MORC1: variants seen among roughly 807,000 people sequenced by gnomAD.
MORC1 encodes MORC family CW-type zinc finger 1.
In MORC1, 59 loss-of-function variants were observed where a neutral mutation model predicts 134.9. The observed-to-expected ratio is 0.44, with a 90% CI of 0.35 to 0.54. MORC1 has a LOEUF of 0.54. Ranked by LOEUF, MORC1 falls within the 20% of genes least tolerant of loss-of-function variation. MORC1 has a pLI of 0.00. For missense variants in MORC1, 947 were observed against 1,134.5 expected, an observed-to-expected ratio of 0.83 and a Z score of 2.37; for synonymous variants, 395 against 391.7, an observed-to-expected ratio of 1.01 and a Z score of -0.10.
At chr3:109,076,393 T>G (rs2107723255) in intron 8 of MORC1, among the ~76,000 whole-genome samples, 1 of 152,244 alleles carries the variant, frequency 6.6e-6, no homozygotes, top group Non-Finnish European at 1.5e-5. Flanking sequence ...TGTAAATTAG[T>G]TCAACCATTG....
At chr3:109,013,162 G>A (rs773429698) in intron 17 of MORC1, among the ~76,000 whole-genome samples, 6 of 151,734 alleles carry the variant, frequency 4.0e-5, no homozygotes, top group Non-Finnish European at 8.8e-5. Context: ...ATTCTTTAAC[G>A]TTTTTCTTGC....
intron 1 of MORC1, among the ~76,000 whole-genome samples, chr3:109,115,397 A>G (rs1951248367): frequency 6.6e-6 from 1 of 152,078 alleles, no homozygotes; most frequent in Non-Finnish European, 1.5e-5. Flanking sequence ...GGAGTTTCAA[A>G]CACAGAGGAT....
intron 17 of MORC1, among the ~76,000 whole-genome samples, chr3:109,020,713 C>T (rs1948937263): frequency 6.7e-6 from 1 of 149,570 alleles, no homozygotes; most frequent in Admixed American, 6.7e-5. Flanking sequence ...TGCAGTGAGC[C>T]GAGTTTGCGT....
chr3:109,002,221 G>C (rs886427921), intron 20 of MORC1, among the ~76,000 whole-genome samples: 18 of 152,248 alleles, frequency 1.2e-4, no homozygotes, highest in Middle Eastern at 3.4e-3. Context: ...CATAACTTCT[G>C]CCTATAGTAT....
At chr3:109,105,299 C>A (rs371301127) in intron 3 of MORC1, among the ~76,000 whole-genome samples, 2 of 152,066 alleles carry the variant, frequency 1.3e-5, no homozygotes, top group East Asian at 3.9e-4. Context: ...CCAAGGTGGG[C>A]GGATCACGAG....
Position 109,040,395 on chromosome 3 carries a change from A to AG in MORC1, c.1331-4928_1331-4927insC, listed in dbSNP as rs1417010352. 3.1e-3 allele frequency among the ~76,000 whole-genome samples: 161 copies of AG among 51,168 alleles called. 1 individual carries two copies. Among genetic ancestry groups the AG allele is most frequent in the Middle Eastern group, 0.02 (2 of 98 alleles). 33.6% of individuals were successfully genotyped at this position (51,168 alleles called of 152,430 possible). A position where few individuals can be genotyped will look rare whatever the true frequency, so the allele number is the denominator to read the frequency against. On this transcript the variant is annotated intron_variant, in intron 14 of 27. Coordinates refer to ENST00000232603, the MANE Select transcript of MORC1 (RefSeq NM_014429.4). ...GAAAGAAAGAAAGAAAGAAAGAAAG[A>AG]AAGAAAGAGAAGGAAGGAAGGAAGG... is the stretch of plus-strand genomic sequence containing the variant.
At chr3:109,099,501 C>T (rs1950887348) in intron 5 of MORC1, 35 bp from the exon 6 acceptor site, 1 of 1,487,000 alleles carries the variant, frequency 6.7e-7, no homozygotes, top group Admixed American at 1.9e-5. Context: ...TGTTTTACAC[C>T]TCAAATACTA....
At position 109,005,328 on chromosome 3, in the gene MORC1, A is replaced by G; in HGVS notation, c.1768-13T>C. 1 of 1,571,416 alleles carries G rather than the reference A, an allele frequency of 6.4e-7. No homozygotes were observed. On this transcript the variant is annotated splice_polypyrimidine_tract_variant and intron_variant, in intron 18 of 27. Coordinates refer to ENST00000232603, the MANE Select transcript of MORC1 (RefSeq NM_014429.4). ...TTTTGGTATTTTCCTTAAATAACAA[A>G]GAACATGTTTTTATTTTTTGGTAGA...
rs1428681058 is a variant in MORC1 at position 108,963,547 on chromosome 3, A to G, written c.2666T>C (p.Ile889Thr). The G allele has an allele frequency of 3.1e-6, 5 of 1,601,680 alleles. No individual in the cohort carries two copies. The highest frequency in any genetic ancestry group is 3.4e-6 in the Non-Finnish European group (4 of 1,173,558). The change falls in exon 27 of 28, where the codon ATC (isoleucine) becomes ACC (threonine). Residue 889 changes from isoleucine to threonine, a missense_variant. Around this residue, in one of 3 missense-constraint regions of MORC1, gnomAD observed 722 missense variants for 817.0 expected, o/e 0.88. Transcript: ENST00000232603. ...KKIKRKLQSIIYDSNTRGIHN... is the reference protein window; with the variant it reads ...KKIKRKLQSITYDSNTRGIHN... ...TATTCCTCTTGTATTTGAATCATAG[A>G]TAATGGACTGCAATTTCCTCTTTAT...
At chr3:109,028,070 G>T (rs1246321109) in intron 16 of MORC1, among the ~76,000 whole-genome samples, 181 bp from the exon 17 acceptor site, 2 of 152,086 alleles carry the variant, frequency 1.3e-5, no homozygotes, top group African/African-American at 2.4e-5. Context: ...TCTCCAATTT[G>T]CATGGAAAAC....
chr3:109,082,788 T>G (rs553359186), intron 8 of MORC1, among the ~76,000 whole-genome samples: 88 of 151,962 alleles, frequency 5.8e-4, no homozygotes, highest in Admixed American at 1.1e-3. Context: ...TACAGAAAAT[T>G]ACCTCGAAAG....
chr3:109,005,085 T>C lies in MORC1; in HGVS notation c.1998A>G (p.Leu666=). 1.2e-6 allele frequency: 2 copies of C among 1,610,550 alleles called. No individual in the cohort carries two copies. The highest frequency in any genetic ancestry group is 1.7e-6 in the Non-Finnish European group (2 of 1,178,690). The part of the protein sequence containing the change: ...IPVALPENVK[L]AERSQRSQIA... ...ATAATAATACCTGGGATCTCTCAGC[T>C]AGTTTGACATTTTCTGGCAGAGCTA... Residue 666 remains leucine, a synonymous_variant, in exon 19 of 28, where the codon CTA becomes CTG. Transcript: ENST00000232603.
chr3:109,032,707 T>C lies in MORC1; in HGVS notation c.1565+13A>G, dbSNP rs759785879. 6.6e-7 allele frequency: 1 copy of C among 1,507,104 alleles called. No homozygotes were observed. The highest frequency in any genetic ancestry group is 2.3e-5 in the East Asian group (1 of 44,140). The allele number at this position is 1,507,104 out of a possible 1,614,324, so 93.4% of individuals were successfully genotyped here. On this transcript the variant is annotated intron_variant, in intron 16 of 27. Transcript: ENST00000232603. ...AAAATGAATAAAGAATTTTAGAAAA[T>C]AATCAAAAATACCTGTTTTCCAAGC...
At chr3:108,989,607 G>T (rs1947991205) in intron 21 of MORC1, among the ~76,000 whole-genome samples, 1 of 152,078 alleles carries the variant, frequency 6.6e-6, no homozygotes, top group African/African-American at 2.4e-5. Flanking sequence ...AAAACTGAGT[G>T]ATATCACTTT....
intron 3 of MORC1, among the ~76,000 whole-genome samples, 186 bp downstream of exon 3, chr3:109,110,563 C>T (rs748014959): frequency 6.6e-6 from 1 of 152,154 alleles, no homozygotes; most frequent in African/African-American, 2.4e-5. Context: ...TCCTTTAGCA[C>T]ACAATTTGAC....
chr3:108,978,482 T>G (rs1341931324), intron 24 of MORC1, among the ~76,000 whole-genome samples: 1 of 152,118 alleles, frequency 6.6e-6, no homozygotes, highest in East Asian at 1.9e-4. Flanking sequence ...TTCATGCCCA[T>G]GTAGTAATCA....
In MORC1 at chr3:109,112,090, G is replaced by A. The variant is rs574311987; in HGVS notation, c.120-1307C>T. Among the ~76,000 whole-genome samples the A allele has an allele frequency of 3.9e-5, 6 of 152,310 alleles. No individual in the cohort carries two copies. The East Asian group carries it at 1.2e-3, about 29-fold the overall frequency. On this transcript the variant is annotated intron_variant, in intron 2 of 27. Coordinates refer to ENST00000232603, the MANE Select transcript of MORC1 (RefSeq NM_014429.4). The stretch of plus-strand genomic sequence containing the variant: ...TGTACACAATAAATGTTTAATAAAT[G>A]CCACTGTACTGAAATGTAAGTTTTT...
chr3:109,050,367 T>C (rs1576679600), intron 14 of MORC1, among the ~76,000 whole-genome samples: 1 of 152,218 alleles, frequency 6.6e-6, no homozygotes, highest in East Asian at 1.9e-4. Context: ...ATTCTGAGTC[T>C]GGTGAGGGCT....
intron 14 of MORC1, among the ~76,000 whole-genome samples, chr3:109,038,324 G>A (rs569252066): frequency 6.6e-6 from 1 of 150,632 alleles, no homozygotes; most frequent in African/African-American, 2.4e-5. Flanking sequence ...ATTCTTTGTA[G>A]ATTCTGATAT....
Sources: gnomAD v4.1 joint callset for allele counts (sites outside exome capture counted in the v4.1 genomes callset) on GRCh38, gnomAD v4.1.1 for gene constraint, gnomAD v4.1.1 regional missense constraint, MANE v1.5 for transcripts, NCBI Gene and HGNC (gene_info 2026-07-23, HGNC 2026-07-21) for gene names.